Variants in KDM4C observed in about 807,000 individuals in gnomAD.
KDM4C encodes lysine demethylase 4C, also known as lysine-specific demethylase 4C.
KDM4C carries 81 observed loss-of-function variants against 129.3 expected under a neutral mutation model. The observed-to-expected ratio is 0.63, with a 90% CI of 0.52 to 0.75. The LOEUF (loss-of-function observed/expected upper bound fraction) is 0.75. Among genes scored for constraint, KDM4C ranks in the 30% least tolerant of loss-of-function variants. KDM4C has a pLI of 0.00. For synonymous variants in KDM4C, 573 were observed against 456.1 expected (o/e 1.26, Z -3.26); for missense variants, 1,457 against 1,304.0 (o/e 1.12, Z -1.81).
chr9:6,960,633 A>G (rs1829877660), intron 8 of KDM4C, among the ~76,000 whole-genome samples: 1 of 152,166 alleles, frequency 6.6e-6, no homozygotes, highest in South Asian at 2.1e-4. Context: ...TGTCGTAGGG[A>G]GAAAGATGGT....
At chr9:6,928,443 T>C (rs1275109646) in intron 8 of KDM4C, among the ~76,000 whole-genome samples, 1 of 152,238 alleles carries the variant, frequency 6.6e-6, no homozygotes, top group Non-Finnish European at 1.5e-5. Flanking sequence ...ATATAGTAGG[T>C]GCTGCTTGCC....
chr9:6,907,817 G>A (rs1279090486), intron 8 of KDM4C, among the ~76,000 whole-genome samples: 1 of 152,170 alleles, frequency 6.6e-6, no homozygotes, highest in Non-Finnish European at 1.5e-5. Context: ...CTGAAATTTT[G>A]TATTGGCTTT....
In KDM4C at chr9:6,980,913, G is replaced by A. The variant is rs368863009; in HGVS notation, c.922-12G>A. 71 of 1,612,864 alleles carry A rather than the reference G, an allele frequency of 4.4e-5. No homozygotes were observed. Among genetic ancestry groups the A allele is most frequent in the Non-Finnish European group, 5.7e-5 (67 of 1,179,328 alleles). On this transcript the variant is annotated splice_polypyrimidine_tract_variant and intron_variant, in intron 8 of 21. Coordinates refer to ENST00000381309, the MANE Select transcript of KDM4C (RefSeq NM_015061.6). ...GAAACGTTTAACACTCTCCAACCCG[G>A]TTGTGTTTCAGTGCACTTGCAGGAA...
intron 1 of KDM4C, among the ~76,000 whole-genome samples, chr9:6,763,893 G>T (rs1820092310): frequency 6.6e-6 from 1 of 152,096 alleles, no homozygotes; most frequent in South Asian, 2.1e-4. Context: ...GAGTAGCTGG[G>T]CTTACAGGCC....
intron 18 of KDM4C, among the ~76,000 whole-genome samples, chr9:7,124,861 T>A (rs548837365): frequency 6.6e-6 from 1 of 152,232 alleles, no homozygotes; most frequent in Non-Finnish European, 1.5e-5. Flanking sequence ...ATGACAGAGA[T>A]GGTTAGAGAC....
intron 1 of KDM4C, among the ~76,000 whole-genome samples, chr9:6,738,164 C>G (rs1330602364): frequency 1.3e-5 from 2 of 148,582 alleles, no homozygotes; most frequent in African/African-American, 5.0e-5. Flanking sequence ...CTAAACTAAA[C>G]TAAACTAAAC....
At chr9:7,103,970 A>C (rs185377868) in intron 18 of KDM4C, 100 bp downstream of exon 18, 44 of 1,062,782 alleles carry the variant, frequency 4.1e-5, no homozygotes, top group African/African-American at 3.8e-4. Flanking sequence ...CTGTAATATG[A>C]CTCATTGTTG....
chr9:7,076,194 A>T (rs568916156), intron 17 of KDM4C, among the ~76,000 whole-genome samples: 2 of 152,274 alleles, frequency 1.3e-5, no homozygotes, highest in Middle Eastern at 6.8e-3. Context: ...AGAAAAAAAA[A>T]CCCAAAATCT....
chr9:6,761,640 C>T (rs1171416567), intron 1 of KDM4C, among the ~76,000 whole-genome samples: 1 of 152,148 alleles, frequency 6.6e-6, no homozygotes, highest in African/African-American at 2.4e-5. Context: ...TTCCTGTTAG[C>T]ACAGTCTTTA....
At chr9:7,042,100 G>C (rs887442370) in intron 15 of KDM4C, among the ~76,000 whole-genome samples, 41 of 152,074 alleles carry the variant, frequency 2.7e-4, no homozygotes, top group African/African-American at 9.4e-4. Flanking sequence ...TTTAACTACT[G>C]TACCTTTCGT....
Position 6,963,902 on chromosome 9 carries a change from C to G in KDM4C, c.922-17023C>G, listed in dbSNP as rs190127178. On this transcript the variant is annotated intron_variant, in intron 8 of 21. Transcript: ENST00000381309. ...TCTTGCTATCACTTTTTTAGCTATTCCTAGATTAACTATTCAGTGCAGAGG... is the reference window on the plus strand; with the variant it reads ...TCTTGCTATCACTTTTTTAGCTATTGCTAGATTAACTATTCAGTGCAGAGG... Among the ~76,000 whole-genome samples, 337 of 152,196 alleles carry G rather than the reference C, an allele frequency of 2.2e-3. 1 individual carries two copies. The highest frequency in any genetic ancestry group is 3.9e-3 in the Non-Finnish European group (268 of 67,996).
intron 17 of KDM4C, among the ~76,000 whole-genome samples, chr9:7,098,257 C>T (rs556396650): frequency 6.6e-6 from 1 of 152,240 alleles, no homozygotes; most frequent in African/African-American, 2.4e-5. Flanking sequence ...TTTTTTTTAG[C>T]TCTGTCTCTT....
At chr9:7,141,296 A>G (rs1341759567) in intron 19 of KDM4C, among the ~76,000 whole-genome samples, 2 of 152,206 alleles carry the variant, frequency 1.3e-5, no homozygotes, top group African/African-American at 4.8e-5. Flanking sequence ...GAAACTAAAA[A>G]GGATGGCTTC....
intron 1 of KDM4C, among the ~76,000 whole-genome samples, chr9:6,742,999 A>T (rs991670958): frequency 6.6e-6 from 1 of 152,114 alleles, no homozygotes; most frequent in African/African-American, 2.4e-5. Flanking sequence ...TGACAGGGCG[A>T]GGCTCAGTTT....
intron 5 of KDM4C, among the ~76,000 whole-genome samples, chr9:6,854,796 G>A (rs550593244): frequency 6.6e-6 from 1 of 152,314 alleles, no homozygotes; most frequent in South Asian, 2.1e-4. Flanking sequence ...TTAGTTCAAT[G>A]CTTTCTCATT....
chr9:6,951,231 A>G lies in KDM4C; in HGVS notation c.922-29694A>G, dbSNP rs140500449. On this transcript the variant is annotated intron_variant, in intron 8 of 21. Coordinates refer to ENST00000381309, the MANE Select transcript of KDM4C (RefSeq NM_015061.6). ...TTGAAATTATATATTTCTATTAACTATAGTCATCCTACAGTGGTATGGAAC... is the reference window on the plus strand; with the variant it reads ...TTGAAATTATATATTTCTATTAACTGTAGTCATCCTACAGTGGTATGGAAC... Among the ~76,000 whole-genome samples, 923 of 152,324 alleles carry G rather than the reference A, an allele frequency of 6.1e-3. 11 individuals are homozygous for G. The highest frequency in any genetic ancestry group is 0.021 in the African/African-American group (872 of 41,578).
intron 5 of KDM4C, among the ~76,000 whole-genome samples, chr9:6,849,926 T>TAAA (rs1838530464): frequency 6.6e-6 from 1 of 152,238 alleles, no homozygotes; most frequent in South Asian, 2.1e-4. Context: ...TAACAATGTT[T>TAAA]AGATCAATGA....
chr9:6,793,518 C>G (rs1006322027), intron 2 of KDM4C, among the ~76,000 whole-genome samples: 1 of 150,294 alleles, frequency 6.7e-6, no homozygotes, highest in Non-Finnish European at 1.5e-5. Flanking sequence ...TTCTTTCCTT[C>G]TATGTTTTTT....
chr9:6,982,527 C>T (rs1589443466), intron 9 of KDM4C: 1 of 152,152 alleles, frequency 6.6e-6, no homozygotes, highest in Non-Finnish European at 1.5e-5. Flanking sequence ...TATATAGTGT[C>T]ACTATCTGAA....
Sources: gnomAD v4.1 joint callset for allele counts (sites outside exome capture counted in the v4.1 genomes callset) on GRCh38, gnomAD v4.1.1 for gene constraint, MANE v1.5 for transcripts, NCBI Gene and HGNC (gene_info 2026-07-23, HGNC 2026-07-21) for gene names.